Variants in NUP98 observed in about 807,000 individuals in gnomAD.
NUP98 encodes the protein nucleoporin 98 and 96 precursor.
In NUP98, 26 loss-of-function variants were observed where a neutral mutation model predicts 191.9. The observed-to-expected ratio is 0.14, with a 90% CI of 0.10 to 0.19. The LOEUF is 0.19. NUP98 is among the 10% of genes least tolerant of loss of function. The probability of loss-of-function intolerance (pLI) is 1.00; values close to 1 mark genes in which losing one functional copy is unlikely to be tolerated. For missense variants in NUP98, 1,941 were observed against 2,178.8 expected (o/e 0.89, Z 2.17); for synonymous variants, 808 against 778.4 (o/e 1.04, Z -0.63).
intron 16 of NUP98, 90 bp downstream of exon 16, chr11:3,723,067 C>T (rs183031056): frequency 3.3e-6 from 4 of 1,222,340 alleles, no homozygotes; most frequent in Non-Finnish European, 4.7e-6. Flanking sequence ...AAATGCCAAA[C>T]AGCTGACTTC....
chr11:3,691,274 A>G, intron 28 of NUP98, 73 bp downstream of exon 28: 1 of 1,554,782 alleles, frequency 6.4e-7, no homozygotes, highest in South Asian at 1.1e-5. Context: ...TATAAAAGGG[A>G]AAGGACGCAG....
At position 3,782,030 on chromosome 11, in the gene NUP98, T is replaced by G. The variant is rs2133950020; in HGVS notation, c.76+12A>C. ...AAGGTTTCTCCCTCTTTTGTCCTTT[T>G]TAAAAACTTACTCTGTCCAAATGTT... On this transcript the variant is annotated intron_variant, in intron 2 of 32. Transcript: ENST00000324932. The G allele has an allele frequency of 3.1e-6, 5 of 1,604,086 alleles. No homozygotes were observed. Among genetic ancestry groups the G allele is most frequent in the Non-Finnish European group, 4.3e-6 (5 of 1,172,872 alleles).
At chr11:3,714,423 G>A (rs1002784855) in intron 18 of NUP98, among the ~76,000 whole-genome samples, 4 of 152,046 alleles carry the variant, frequency 2.6e-5, no homozygotes, top group South Asian at 2.1e-4. Context: ...CAGGAATATC[G>A]GTATGAAGAT....
chr11:3,723,443 T>C lies in NUP98; in HGVS notation c.1860A>G (p.Leu620=). 1 of 1,613,466 alleles carries C rather than the reference T, an allele frequency of 6.2e-7. No homozygotes were observed. Among genetic ancestry groups the C allele is most frequent in the Non-Finnish European group, 8.5e-7 (1 of 1,179,514 alleles). ...YPENGERFSF[L]SKPVDENHQQ... is the part of the protein sequence containing the mutation. ...GGTGATTCTCATCAACAGGTTTGCT[T>C]AGGAAACTAAATCTGCAAAGGAAAA... The change falls in exon 16 of 33, where the codon CTA becomes CTG. Residue 620 remains leucine (L), a synonymous_variant. Coordinates refer to ENST00000324932, the MANE Select transcript of NUP98 (RefSeq NM_016320.5).
At chr11:3,792,931 G>A (rs965886346) in intron 1 of NUP98, among the ~76,000 whole-genome samples, 8 of 151,826 alleles carry the variant, frequency 5.3e-5, no homozygotes, top group Admixed American at 4.6e-4. Flanking sequence ...CCAACATGGC[G>A]AAACCCCGTC....
chr11:3,708,941 T>C (rs1421833392), intron 20 of NUP98, among the ~76,000 whole-genome samples: 1 of 152,194 alleles, frequency 6.6e-6, no homozygotes, highest in Non-Finnish European at 1.5e-5. Context: ...CTACACAGAT[T>C]ATATCTGTAA....
chr11:3,721,015 T>C, intron 16 of NUP98, 190 bp from the exon 17 acceptor site: 1 of 383,518 alleles, frequency 2.6e-6, no homozygotes, highest in Non-Finnish European at 4.6e-6. Flanking sequence ...TGTGAAAAGC[T>C]TCATGGTCAA....
chr11:3,776,675 G>T (rs2081743463), intron 4 of NUP98, among the ~76,000 whole-genome samples: 1 of 150,738 alleles, frequency 6.6e-6, no homozygotes. Context: ...TTTTTTTTAA[G>T]TAGAGATGGG....
intron 30 of NUP98, among the ~76,000 whole-genome samples, chr11:3,682,859 T>G (rs1245693071): frequency 6.6e-6 from 1 of 152,236 alleles, no homozygotes; most frequent in Non-Finnish European, 1.5e-5. Context: ...TCTGAAATTC[T>G]CCAATGGAAA....
chr11:3,758,556 G>A (rs1447664926), intron 10 of NUP98, among the ~76,000 whole-genome samples: 14 of 152,180 alleles, frequency 9.2e-5, no homozygotes, highest in African/African-American at 3.1e-4. Context: ...AGGCCGAGGA[G>A]GGCAGATCGC....
At chr11:3,759,520 C>T (rs1227329437) in intron 10 of NUP98, among the ~76,000 whole-genome samples, 2 of 152,020 alleles carry the variant, frequency 1.3e-5, no homozygotes, top group South Asian at 4.2e-4. Flanking sequence ...TCGCTTGAAC[C>T]CGGGAGGCAG....
intron 12 of NUP98, among the ~76,000 whole-genome samples, chr11:3,744,143 G>A (rs180994262): frequency 6.6e-6 from 1 of 152,154 alleles, no homozygotes; most frequent in Non-Finnish European, 1.5e-5. Context: ...AATTATATTG[G>A]AAGAAGTAAA....
At chr11:3,782,380 C>T (rs1272961245) in intron 1 of NUP98, among the ~76,000 whole-genome samples, 1 of 151,740 alleles carries the variant, frequency 6.6e-6, no homozygotes, top group East Asian at 1.9e-4. Flanking sequence ...ACTTCAGATC[C>T]CAACATTAAC....
chr11:3,762,785 G>A (rs2081216433), intron 9 of NUP98, 117 bp downstream of exon 9: 1 of 993,736 alleles, frequency 1.0e-6, no homozygotes, highest in African/African-American at 1.6e-5. Context: ...ATCATATTAG[G>A]CTGGTGCAAT....
chr11:3,754,959 A>G (rs1455593834), intron 10 of NUP98, among the ~76,000 whole-genome samples: 1 of 150,580 alleles, frequency 6.6e-6, no homozygotes, highest in Non-Finnish European at 1.5e-5. Context: ...AAAAAAAAAA[A>G]AAAAATCCAT....
intron 7 of NUP98, among the ~76,000 whole-genome samples, chr11:3,770,342 T>C (rs1458283126): frequency 6.6e-6 from 1 of 151,756 alleles, no homozygotes; most frequent in Non-Finnish European, 1.5e-5. Context: ...TAAAATAAAA[T>C]TAGTCGGGTG....
At chr11:3,706,715 T>C in intron 20 of NUP98, 88 bp from the exon 21 acceptor site, 2 of 1,253,408 alleles carry the variant, frequency 1.6e-6, no homozygotes, top group South Asian at 1.4e-5. Context: ...ATTCAGAATA[T>C]GATACAACAA....
Position 3,773,802 on chromosome 11 carries a change from C to T in NUP98, c.496-63G>A. On this transcript the variant is annotated intron_variant, in intron 5 of 32. Transcript: ENST00000324932. ...TTTTACATTCCTACTCTCTCAGATA[C>T]AATTTCTCAACCACTGAACTCTAAA... The T allele has an allele frequency of 6.3e-6, 6 of 956,236 alleles. No individual in the cohort carries two copies. In the South Asian group the frequency reaches 8.4e-5, roughly 13 times the overall value. 59.2% of individuals were successfully genotyped at this position (956,236 alleles called of 1,614,324 possible).
chr11:3,745,250 G>A (rs761656934), intron 11 of NUP98, among the ~76,000 whole-genome samples: 28 of 152,250 alleles, frequency 1.8e-4, no homozygotes, highest in Non-Finnish European at 3.7e-4. Context: ...GACAACTATA[G>A]GAAAACTAAA....
Sources: gnomAD v4.1 joint callset for allele counts (sites outside exome capture counted in the v4.1 genomes callset) on GRCh38, gnomAD v4.1.1 for gene constraint, MANE v1.5 for transcripts, NCBI Gene and HGNC (gene_info 2026-07-23, HGNC 2026-07-21) for gene names.